Variants in SAE1 observed in about 807,000 individuals in gnomAD.
SAE1 encodes SUMO1 activating enzyme subunit 1, also known as SUMO-activating enzyme subunit 1.
In SAE1, 11 loss-of-function variants were observed where a neutral mutation model predicts 40.6. That is an observed-to-expected ratio of 0.27 (90% CI 0.17 to 0.45). SAE1 has a LOEUF of 0.45. Among genes scored for constraint, SAE1 ranks in the 20% least tolerant of loss-of-function variants. SAE1 has a pLI of 1.00. For synonymous variants in SAE1, 155 were observed against 154.3 expected (o/e 1.00, Z -0.03); for missense variants, 373 against 427.3 (o/e 0.87, Z 1.12).
At chr19:47,137,567 A>G (rs545438068) in intron 1 of SAE1, among the ~76,000 whole-genome samples, 3 of 150,526 alleles carry the variant, frequency 2.0e-5, no homozygotes, top group Non-Finnish European at 4.4e-5. Flanking sequence ...CGTGATCTTC[A>G]GCTCACTGCA....
intron 5 of SAE1, among the ~76,000 whole-genome samples, chr19:47,160,538 A>T (rs1478773451): frequency 2.0e-5 from 3 of 151,020 alleles, no homozygotes; most frequent in African/African-American, 7.3e-5. Flanking sequence ...GGGACTACAG[A>T]TGCCCGCCGC....
chr19:47,132,653 G>T (rs1306968965), intron 1 of SAE1, among the ~76,000 whole-genome samples: 1 of 151,950 alleles, frequency 6.6e-6, no homozygotes, highest in African/African-American at 2.4e-5. Flanking sequence ...AAGCTGAGTT[G>T]GGGGGAGGGG....
At chr19:47,167,862 C>T (rs542843238) in intron 5 of SAE1, among the ~76,000 whole-genome samples, 1 of 152,228 alleles carries the variant, frequency 6.6e-6, no homozygotes, top group South Asian at 2.1e-4. Flanking sequence ...CCCAGCTTGG[C>T]TATCTTAAAC....
chr19:47,209,260 T>G lies in SAE1; in HGVS notation c.*9T>G. The G allele has an allele frequency of 6.2e-7, 1 of 1,614,142 alleles. No individual in the cohort carries two copies. The highest frequency in any genetic ancestry group is 8.5e-7 in the Non-Finnish European group (1 of 1,180,014). ...GCCTTGGCCCCAAGTGAACTCAAGA[T>G]TTGGCAGCCCCAGAGATGCCAACTG... On this transcript the variant is annotated 3_prime_UTR_variant, in exon 9 of 9. Transcript: ENST00000270225.
chr19:47,199,278 G>A lies in SAE1; in HGVS notation c.878+1901G>A, dbSNP rs1432425578. On this transcript the variant is annotated intron_variant, in intron 7 of 8. Transcript: ENST00000270225. Reference sequence around the variant, plus strand: ...GTGGGTGCCTAAGTCCCAGCTACTCGGGAGGCTGAGGCAGGAGAATGGCGT... The same window carrying A: ...GTGGGTGCCTAAGTCCCAGCTACTCAGGAGGCTGAGGCAGGAGAATGGCGT... Among the ~76,000 whole-genome samples, 5 of 151,262 alleles carry A rather than the reference G, an allele frequency of 3.3e-5. No individual in the cohort carries two copies. In the East Asian group the frequency reaches 9.7e-4, roughly 29 times the overall value.
At chr19:47,193,541 G>A (rs2058593081) in intron 6 of SAE1, among the ~76,000 whole-genome samples, 2 of 151,034 alleles carry the variant, frequency 1.3e-5, no homozygotes, top group African/African-American at 4.9e-5. Context: ...GAAATTACCA[G>A]CTGGGTGCTG....
Position 47,198,187 on chromosome 19 carries a change from G to A in SAE1, c.878+810G>A, listed in dbSNP as rs556902611. ...TGCAATGGCACAATCTCAACTCACC[G>A]CAACTTCTGCCGCCTGGGTCCAAGC... On this transcript the variant is annotated intron_variant, in intron 7 of 8. Transcript: ENST00000270225. Among the ~76,000 whole-genome samples the A allele has an allele frequency of 7.9e-5, 12 of 151,800 alleles. No homozygotes were observed. The East Asian group carries it at 1.4e-3, about 17-fold the overall frequency.
At chr19:47,196,521 A>G (rs2058617166) in intron 6 of SAE1, among the ~76,000 whole-genome samples, 7 of 143,344 alleles carry the variant, frequency 4.9e-5, no homozygotes, top group Admixed American at 4.3e-4. Context: ...GTGTCACCAC[A>G]CCTGGCTAAT....
chr19:47,136,044 C>T (rs1404957630), intron 1 of SAE1, among the ~76,000 whole-genome samples: 7 of 150,660 alleles, frequency 4.6e-5, no homozygotes, highest in Non-Finnish European at 8.9e-5. Flanking sequence ...CCTCGTGTAC[C>T]ACAATTTCTT....
intron 6 of SAE1, among the ~76,000 whole-genome samples, chr19:47,180,817 C>T (rs916605533): frequency 6.6e-6 from 1 of 151,896 alleles, no homozygotes; most frequent in Non-Finnish European, 1.5e-5. Flanking sequence ...ACTTTGTCTC[C>T]CCCGAAAAAG....
intron 7 of SAE1, among the ~76,000 whole-genome samples, chr19:47,202,491 T>TG (rs2058660930): frequency 6.6e-6 from 1 of 151,200 alleles, no homozygotes; most frequent in African/African-American, 2.4e-5. Flanking sequence ...TTTCACCATG[T>TG]GGGCCAGGAT....
chr19:47,207,172 C>T (rs1018350857), intron 8 of SAE1, among the ~76,000 whole-genome samples: 9 of 152,062 alleles, frequency 5.9e-5, no homozygotes, highest in Non-Finnish European at 1.0e-4. Flanking sequence ...GCTGGGGAGA[C>T]GGAGGTTGCA....
intron 6 of SAE1, among the ~76,000 whole-genome samples, chr19:47,193,257 C>A (rs566923961): frequency 6.6e-6 from 1 of 151,782 alleles, no homozygotes; most frequent in Non-Finnish European, 1.5e-5. Flanking sequence ...GATGGGGTTT[C>A]GCTGTGTTGG....
intron 6 of SAE1, among the ~76,000 whole-genome samples, chr19:47,179,501 G>GA (rs201512346): frequency 0.022 from 2,797 of 127,610 alleles, 64 homozygotes; most frequent in African/African-American, 0.068. Flanking sequence ...AGCATCTTAA[G>GA]AAAAAAAAAA....
At chr19:47,191,556 C>G (rs570215692) in intron 6 of SAE1, among the ~76,000 whole-genome samples, 19 of 152,158 alleles carry the variant, frequency 1.2e-4, no homozygotes, top group Non-Finnish European at 2.5e-4. Flanking sequence ...GGCCTTGCAG[C>G]AGTCACGTGG....
At chr19:47,190,961 T>C (rs1239208850) in intron 6 of SAE1, among the ~76,000 whole-genome samples, 3 of 152,222 alleles carry the variant, frequency 2.0e-5, no homozygotes, top group Non-Finnish European at 4.4e-5. Context: ...AGGTGCTGTG[T>C]CCCTGTATGG....
chr19:47,179,042 A>G (rs954841766), intron 6 of SAE1, among the ~76,000 whole-genome samples: 2 of 151,670 alleles, frequency 1.3e-5, no homozygotes, highest in African/African-American at 4.8e-5. Flanking sequence ...AAATACAAAA[A>G]TTAGCCGGGC....
At chr19:47,179,374 G>A (rs966482312) in intron 6 of SAE1, among the ~76,000 whole-genome samples, 2 of 151,376 alleles carry the variant, frequency 1.3e-5, no homozygotes, top group South Asian at 2.1e-4. Flanking sequence ...AGACATGGTG[G>A]CACACTCCTA....
At chr19:47,143,987 C>A (rs2058238828) in intron 2 of SAE1, among the ~76,000 whole-genome samples, 1 of 152,126 alleles carries the variant, frequency 6.6e-6, no homozygotes, top group African/African-American at 2.4e-5. Flanking sequence ...TAGCTTTCAC[C>A]CCTAGTGATT....
Sources: allele counts gnomAD v4.1 joint callset (sites outside exome capture counted in the v4.1 genomes callset), GRCh38; gene constraint gnomAD v4.1.1; transcripts MANE v1.5; gene names NCBI Gene and HGNC (gene_info 2026-07-23, HGNC 2026-07-21).